NEK1: variants seen among roughly 807,000 people sequenced by gnomAD.
NEK1 encodes the protein serine/threonine-protein kinase Nek1.
A neutral mutation model predicts 182.1 loss-of-function variants in NEK1; 137 were observed. The observed-to-expected ratio is 0.75, with a 90% CI of 0.65 to 0.87. NEK1 has a LOEUF of 0.87. Ranked by LOEUF, NEK1 falls within the 40% of genes least tolerant of loss-of-function variation. The pLI is 0.00. For missense variants in NEK1, 1,391 were observed against 1,494.4 expected (o/e 0.93, Z 1.14); for synonymous variants, 513 against 492.2 (o/e 1.04, Z -0.56).
chr4:169,560,463 T>C (rs758927089), intron 16 of NEK1, among the ~76,000 whole-genome samples: 1 of 152,178 alleles, frequency 6.6e-6, no homozygotes, highest in African/African-American at 2.4e-5. Context: ...AGGAGTCTTA[T>C]ATGTTAACGT....
At chr4:169,433,912 A>G (rs1192983796) in intron 28 of NEK1, among the ~76,000 whole-genome samples, 1 of 152,086 alleles carries the variant, frequency 6.6e-6, no homozygotes, top group African/African-American at 2.4e-5. Context: ...AATATGGTAT[A>G]CTCTATATTT....
chr4:169,572,209 C>A (rs1764982965), intron 12 of NEK1, among the ~76,000 whole-genome samples: 2 of 152,172 alleles, frequency 1.3e-5, no homozygotes, highest in Admixed American at 6.5e-5. Context: ...ATTATTATAA[C>A]CCTGGTGGAA....
At chr4:169,449,726 A>C (rs1303932567) in intron 27 of NEK1, among the ~76,000 whole-genome samples, 2 of 152,246 alleles carry the variant, frequency 1.3e-5, no homozygotes, top group African/African-American at 4.8e-5. Context: ...GGGAGAAACC[A>C]AAGCAGAAAA....
intron 29 of NEK1, 60 bp from the exon 30 acceptor site, chr4:169,426,294 T>G (rs1277377052): frequency 3.7e-6 from 5 of 1,360,464 alleles, no homozygotes; most frequent in Middle Eastern, 1.8e-4. Context: ...GAAATAAAAG[T>G]GCTCTAAAAT....
chr4:169,563,355 T>C, intron 12 of NEK1, among the ~76,000 whole-genome samples: 1 of 150,602 alleles, frequency 6.6e-6, no homozygotes, highest in Admixed American at 6.6e-5. Context: ...AGATCCTGTC[T>C]CAAAAAAAAA....
chr4:169,471,777 T>C (rs1404749929), intron 26 of NEK1, among the ~76,000 whole-genome samples: 1 of 152,102 alleles, frequency 6.6e-6, no homozygotes, highest in Non-Finnish European at 1.5e-5. Flanking sequence ...GTTTTTTCTA[T>C]AAGCTCCTGA....
intron 4 of NEK1, 60 bp from the exon 5 acceptor site, chr4:169,599,257 T>C: frequency 4.2e-6 from 5 of 1,192,828 alleles, no homozygotes; most frequent in Non-Finnish European, 6.0e-6. Flanking sequence ...CATGGCTAAA[T>C]TAAAAGTACT....
chr4:169,468,727 C>A (rs1252696866), intron 26 of NEK1, among the ~76,000 whole-genome samples: 1 of 152,150 alleles, frequency 6.6e-6, no homozygotes, highest in African/African-American at 2.4e-5. Flanking sequence ...TAGAATTCGG[C>A]TGTGAATCTG....
chr4:169,465,992 T>TA (rs1744853737), intron 26 of NEK1, among the ~76,000 whole-genome samples: 1 of 151,806 alleles, frequency 6.6e-6, no homozygotes, highest in South Asian at 2.1e-4. Context: ...ATATTAACTA[T>TA]AAAAAAGGAA....
chr4:169,542,047 T>C (rs2149833028), intron 18 of NEK1, among the ~76,000 whole-genome samples: 1 of 152,294 alleles, frequency 6.6e-6, no homozygotes, highest in East Asian at 1.9e-4. Context: ...TATTACACTT[T>C]AAGTTCTGGG....
intron 29 of NEK1, among the ~76,000 whole-genome samples, chr4:169,432,122 T>C (rs1737560968): frequency 6.6e-6 from 1 of 152,002 alleles, no homozygotes; most frequent in Admixed American, 6.6e-5. Flanking sequence ...GAAGTTCAAA[T>C]GAAACTTACA....
intron 27 of NEK1, 148 bp from the exon 28 acceptor site, chr4:169,438,407 G>T (rs1738824762): frequency 1.7e-6 from 1 of 582,296 alleles, no homozygotes; most frequent in Admixed American, 3.2e-5. Context: ...GTTAATAAGT[G>T]ACTACAGTAT....
At chr4:169,479,651 C>T (rs890420060) in intron 23 of NEK1, 117 bp from the exon 24 acceptor site, 1 of 794,540 alleles carries the variant, frequency 1.3e-6, no homozygotes, top group African/African-American at 1.8e-5. Flanking sequence ...TTTTTCATTC[C>T]TGAATTATCT....
chr4:169,411,799 A>G (rs1733720830), intron 31 of NEK1, among the ~76,000 whole-genome samples: 1 of 152,198 alleles, frequency 6.6e-6, no homozygotes, highest in African/African-American at 2.4e-5. Flanking sequence ...CCTTTATAAA[A>G]TCACAACAAA....
intron 5 of NEK1, among the ~76,000 whole-genome samples, chr4:169,592,317 C>A (rs1425312808): frequency 6.6e-6 from 1 of 152,002 alleles, no homozygotes; most frequent in African/African-American, 2.4e-5. Flanking sequence ...ATATAAACAA[C>A]CTGAATGTTC....
chr4:169,550,462 A>G (rs144737340), intron 18 of NEK1, among the ~76,000 whole-genome samples: 22 of 152,238 alleles, frequency 1.4e-4, no homozygotes, highest in African/African-American at 4.1e-4. Context: ...TCCAGCTTCA[A>G]CTCCTGGTTG....
intron 28 of NEK1, among the ~76,000 whole-genome samples, chr4:169,435,328 A>G (rs1738200077): frequency 6.6e-6 from 1 of 152,198 alleles, no homozygotes; most frequent in African/African-American, 2.4e-5. Flanking sequence ...TACTTTGCAA[A>G]GACTCCACTT....
intron 12 of NEK1, among the ~76,000 whole-genome samples, chr4:169,565,717 T>C (rs1353830698): frequency 6.6e-6 from 1 of 152,212 alleles, no homozygotes; most frequent in Non-Finnish European, 1.5e-5. Flanking sequence ...ACATACTATA[T>C]GATTCCATTT....
intron 24 of NEK1, among the ~76,000 whole-genome samples, chr4:169,477,801 AAAATTAGAGGAAAAAGTAG>A (rs199894564): frequency 0.015 from 2,227 of 151,960 alleles, 47 homozygotes; most frequent in African/African-American, 0.049. Flanking sequence ...TTTAAGTCAG[AAAATTAGAGGAAAAAGTAG>A]AAATTAGAGG....
Sources: allele counts gnomAD v4.1 joint callset (sites outside exome capture counted in the v4.1 genomes callset), GRCh38; gene constraint gnomAD v4.1.1; transcripts MANE v1.5; gene names NCBI Gene and HGNC (gene_info 2026-07-23, HGNC 2026-07-21).